Variants in ST3GAL4 observed in about 807,000 individuals in gnomAD.
The protein encoded by ST3GAL4 is ST3 beta-galactoside alpha-2,3-sialyltransferase 4.
Under a neutral mutation model 42.6 loss-of-function variants are expected in ST3GAL4, and 24 were observed. The observed-to-expected ratio is 0.56, with a 90% CI of 0.41 to 0.79. The LOEUF (loss-of-function observed/expected upper bound fraction) is 0.79. ST3GAL4 is among the 30% of genes least tolerant of loss of function. The pLI, the probability that ST3GAL4 is intolerant of heterozygous loss-of-function variation, is 0.00. For missense variants in ST3GAL4, 311 were observed against 430.8 expected (o/e 0.72, Z 2.46); for synonymous variants, 135 against 163.2 (o/e 0.83, Z 1.32).
At position 126,410,964 on chromosome 11, in the gene ST3GAL4, C is replaced by T. The variant is rs901465043; in HGVS notation, c.771+1553C>T. Among the ~76,000 whole-genome samples the T allele has an allele frequency of 6.6e-6, 1 of 152,170 alleles. No homozygotes were observed. The highest frequency in any genetic ancestry group is 1.5e-5 in the Non-Finnish European group (1 of 68,032). ...AGGCATTCCATTTGGCCAGAGCAGG[C>T]GGCTCCTCCAGCACTGAACTGTTTC... On this transcript the variant is annotated intron_variant, in intron 9 of 10. Transcript: ENST00000444328. This position sits in a 1 kb window ranked among gnomAD's most constrained non-coding sequence, Gnocchi z 5.3.
Position 126,366,529 on chromosome 11 carries a change from C to T in ST3GAL4, c.-61+10687C>T, listed in dbSNP as rs1952432265. Among the ~76,000 whole-genome samples the T allele has an allele frequency of 1.3e-5, 2 of 152,212 alleles. No homozygotes were observed. Among genetic ancestry groups the T allele is most frequent in the East Asian group, 3.9e-4 (2 of 5,174 alleles). The stretch of plus-strand genomic sequence containing the variant: ...GGCTTGCTTTCCTCACCCCGCTTCC[C>T]ACGTCTTCATTGAGTCCTCATCTGG... On this transcript the variant is annotated intron_variant, in intron 1 of 10. Transcript: ENST00000444328. The surrounding 1 kb of genome is among the most constrained non-coding windows in gnomAD (Gnocchi z 4.2).
Position 126,366,758 on chromosome 11 carries a change from T to C in ST3GAL4, c.-61+10916T>C, listed in dbSNP as rs997550900. Among the ~76,000 whole-genome samples, 31 of 152,110 alleles carry C rather than the reference T, an allele frequency of 2.0e-4. No homozygotes were observed. The highest frequency in any genetic ancestry group is 7.5e-4 in the African/African-American group (31 of 41,414). ...GGTGTCCGTCTCAGTGCCCAGCAGA[T>C]GTTCTGGTGAGGGGAGGCGGGAGTG... On this transcript the variant is annotated intron_variant, in intron 1 of 10. Transcript: ENST00000444328. The surrounding 1 kb of genome is among the most constrained non-coding windows in gnomAD (Gnocchi z 4.2).
In ST3GAL4 at chr11:126,391,936, C is replaced by CATATGTGTGT. The variant is rs147051433; in HGVS notation, c.-60-14160_-60-14159insATATGTGTGT. On this transcript the variant is annotated intron_variant, in intron 1 of 10. Coordinates refer to ENST00000444328, the MANE Select transcript of ST3GAL4 (RefSeq NM_001254757.2). The surrounding 1 kb of genome is among the most constrained non-coding windows in gnomAD (Gnocchi z 5.5). ...CTCAGAACACCTGTGATAACTTGGTCGTGTGTGTGTGTGTGTGTGTGTGTG... is the reference window on the plus strand; with the variant it reads ...CTCAGAACACCTGTGATAACTTGGTCATATGTGTGTGTGTGTGTGTGTGTGTGTGTGTGTG... Among the ~76,000 whole-genome samples the CATATGTGTGT allele has an allele frequency of 6.9e-6, 1 of 144,392 alleles. No individual in the cohort carries two copies. The highest frequency in any genetic ancestry group is 2.6e-5 in the African/African-American group (1 of 38,114). 94.7% of individuals were successfully genotyped at this position (144,392 alleles called of 152,430 possible).
At position 126,384,812 on chromosome 11, in the gene ST3GAL4, C is replaced by G; in HGVS notation, c.-60-21284C>G. On this transcript the variant is annotated intron_variant, in intron 1 of 10. Coordinates refer to ENST00000444328, the MANE Select transcript of ST3GAL4 (RefSeq NM_001254757.2). This position sits in a 1 kb window ranked among gnomAD's most constrained non-coding sequence, Gnocchi z 5.5. ...CAGTGCCTCTGCCTGTCTCCCTGGC[C>G]GTGGCAGGTCCTTTGTCACATATGG... is the stretch of plus-strand genomic sequence containing the variant. 1.0e-6 allele frequency: 1 copy of G among 985,314 alleles called. No individual in the cohort carries two copies. Among genetic ancestry groups the G allele is most frequent in the Non-Finnish European group, 1.2e-6 (1 of 829,904 alleles). The allele number at this position is 985,314 out of a possible 1,614,324, so 61.0% of individuals were successfully genotyped here. A position where few individuals can be genotyped will look rare whatever the true frequency, so the allele number is the denominator to read the frequency against.
At position 126,359,706 on chromosome 11, in the gene ST3GAL4, G is replaced by A. The variant is rs534584513; in HGVS notation, c.-61+3864G>A. On this transcript the variant is annotated intron_variant, in intron 1 of 10. Transcript: ENST00000444328. This position sits in a 1 kb window ranked among gnomAD's most constrained non-coding sequence, Gnocchi z 4.8. ...GTCCGCTTTCTCAGCTGGGCGGGGC[G>A]GGGCAGGACAAGGTTCTTCTCCCTC... Among the ~76,000 whole-genome samples the A allele has an allele frequency of 8.0e-5, 12 of 150,226 alleles. No homozygotes were observed. Among genetic ancestry groups the A allele is most frequent in the Admixed American group, 2.6e-4 (4 of 15,186 alleles).
In ST3GAL4 at chr11:126,386,710, C is replaced by CA. The variant is rs1469814962; in HGVS notation, c.-60-19383dup. 6.6e-6 allele frequency among the ~76,000 whole-genome samples: 1 copy of CA among 152,184 alleles called. No homozygotes were observed. The highest frequency in any genetic ancestry group is 1.5e-5 in the Non-Finnish European group (1 of 68,032). ...ACAGGGGAAATGGCATGGAGAAAGACAAACACCGGTGGGTGGCTCTGCCAG... is the reference window on the plus strand; with the variant it reads ...ACAGGGGAAATGGCATGGAGAAAGACAAAACACCGGTGGGTGGCTCTGCCAG... On this transcript the variant is annotated intron_variant, in intron 1 of 10. Transcript: ENST00000444328. This position sits in a 1 kb window ranked among gnomAD's most constrained non-coding sequence, Gnocchi z 4.7.
At chr11:126,401,779 G>A (rs1302032671) in intron 1 of ST3GAL4, among the ~76,000 whole-genome samples, 2 of 152,074 alleles carry the variant, frequency 1.3e-5, no homozygotes, top group African/African-American at 4.8e-5. Context: ...CTCAGCAAGA[G>A]CAATTTCAGA....
chr11:126,358,120 G>C (rs1453705545), intron 1 of ST3GAL4, among the ~76,000 whole-genome samples: 3 of 152,240 alleles, frequency 2.0e-5, no homozygotes, highest in African/African-American at 7.2e-5. Context: ...ATGGACCTTA[G>C]ATGCTGGAGA....
At chr11:126,399,369 A>ATC (rs2135514652) in intron 1 of ST3GAL4, among the ~76,000 whole-genome samples, 1 of 126,696 alleles carries the variant, frequency 7.9e-6, no homozygotes, top group South Asian at 2.7e-4. Context: ...CAGTGGCACG[A>ATC]TCTCAGTTTA....
rs745962739 is a variant in ST3GAL4, at chr11:126,407,004, G to A, written c.163G>A (p.Ala55Thr). Residue 55 changes from alanine to threonine, a missense_variant, in exon 4 of 11, where the codon GCC (alanine) becomes ACC (threonine). Coordinates refer to ENST00000444328, the MANE Select transcript of ST3GAL4 (RefSeq NM_001254757.2). ...PCLQGEAESK[A>T]SKLFGNYSRD... ...CCTCCAGGGTGAGGCAGAGAGCAAG[G>A]CCTCTAAGCTCTTTGGCAAGTAAGT... is the stretch of plus-strand genomic sequence containing the variant. The A allele has an allele frequency of 4.3e-6, 7 of 1,613,920 alleles. No homozygotes were observed. The African/African-American group carries it at 8.0e-5, about 18-fold the overall frequency.
At chr11:126,364,903 A>C (rs1056886853) in intron 1 of ST3GAL4, among the ~76,000 whole-genome samples, 1 of 151,336 alleles carries the variant, frequency 6.6e-6, no homozygotes, top group Non-Finnish European at 1.5e-5. Context: ...CTGACCCTGC[A>C]GCTGTCCAAA....
intron 1 of ST3GAL4, among the ~76,000 whole-genome samples, chr11:126,370,717 C>T (rs1420981755): frequency 6.6e-6 from 1 of 151,800 alleles, no homozygotes; most frequent in African/African-American, 2.4e-5. Context: ...CGCTCTGTCA[C>T]CCAGGCTGGA....
At chr11:126,402,471 A>G (rs915799897) in intron 1 of ST3GAL4, among the ~76,000 whole-genome samples, 2 of 139,072 alleles carry the variant, frequency 1.4e-5, no homozygotes, top group African/African-American at 2.8e-5. Flanking sequence ...AAAAAAAAAG[A>G]AGAAGAAGAA....
Position 126,383,925 on chromosome 11 carries a change from TCTC to T in ST3GAL4, c.-60-22170_-60-22168del, listed in dbSNP as rs375704406. On this transcript the variant is annotated intron_variant, in intron 1 of 10. Coordinates refer to ENST00000444328, the MANE Select transcript of ST3GAL4 (RefSeq NM_001254757.2). This position sits in a 1 kb window ranked among gnomAD's most constrained non-coding sequence, Gnocchi z 4.5. ...CTGGAGAGGGACTCTCTTGCCGCCT[TCTC>T]TGTTCCTGGGGACAGGCTGCTGCAG... is the stretch of plus-strand genomic sequence containing the variant. 3.0e-3 allele frequency among the ~76,000 whole-genome samples: 455 copies of T among 152,228 alleles called. 4 individuals are homozygous for T. The highest frequency in any genetic ancestry group is 0.01 in the African/African-American group (433 of 41,538).
In ST3GAL4 at chr11:126,406,262, GGACA is replaced by G; in HGVS notation, c.16+97_16+100del. On this transcript the variant is annotated intron_variant, in intron 2 of 10. Coordinates refer to ENST00000444328, the MANE Select transcript of ST3GAL4 (RefSeq NM_001254757.2). This position sits in a 1 kb window ranked among gnomAD's most constrained non-coding sequence, Gnocchi z 5.4. ...CCTGGGACCTCTGGGGGCTGTGGAG[GGACA>G]GACAGGGAGCCAGGGGCCCTTCTCT... 6.5e-7 allele frequency: 1 copy of G among 1,548,992 alleles called. No homozygotes were observed. Among genetic ancestry groups the G allele is most frequent in the East Asian group, 2.4e-5 (1 of 40,910 alleles).
At chr11:126,399,125 T>G (rs1953897762) in intron 1 of ST3GAL4, among the ~76,000 whole-genome samples, 1 of 152,150 alleles carries the variant, frequency 6.6e-6, no homozygotes, top group Admixed American at 6.6e-5. Context: ...ACTAATCTCC[T>G]TATCAAGTGG....
rs947118068 is a variant in ST3GAL4, at chr11:126,400,098, C to T, written c.-60-5998C>T. ...CTCTCCACTTCTTGGCACCAATTTT[C>T]TGTCTTAGTCCATTTTGTGCTGCTG... On this transcript the variant is annotated intron_variant, in intron 1 of 10. Transcript: ENST00000444328. This position sits in a 1 kb window ranked among gnomAD's most constrained non-coding sequence, Gnocchi z 4.6. Among the ~76,000 whole-genome samples, 1 of 152,052 alleles carries T rather than the reference C, an allele frequency of 6.6e-6. No individual in the cohort carries two copies. The highest frequency in any genetic ancestry group is 1.5e-5 in the Non-Finnish European group (1 of 68,018).
chr11:126,378,957 C>G lies in ST3GAL4; in HGVS notation c.-61+23115C>G, dbSNP rs541094379. On this transcript the variant is annotated intron_variant, in intron 1 of 10. Transcript: ENST00000444328. This position sits in a 1 kb window ranked among gnomAD's most constrained non-coding sequence, Gnocchi z 5.3. ...TTCTGGAACACTGCCCAGATTTGGC[C>G]CAGTTCCATTCATGTTTTCTGTGCG... 2.6e-5 allele frequency among the ~76,000 whole-genome samples: 4 copies of G among 152,198 alleles called. No individual in the cohort carries two copies. The highest frequency in any genetic ancestry group is 9.6e-5 in the African/African-American group (4 of 41,532).
chr11:126,402,893 CG>C (rs1331184267), intron 1 of ST3GAL4, among the ~76,000 whole-genome samples: 1 of 152,168 alleles, frequency 6.6e-6, no homozygotes, highest in African/African-American at 2.4e-5. Context: ...TCTTCCTACC[CG>C]GGGGCACCTT....
Sources: allele counts gnomAD v4.1 joint callset (sites outside exome capture counted in the v4.1 genomes callset), GRCh38; gene constraint gnomAD v4.1.1; non-coding constraint Gnocchi (gnomAD v3.1); transcripts MANE v1.5; gene names NCBI Gene and HGNC (gene_info 2026-07-23, HGNC 2026-07-21).